Variants in LRRC27 observed in about 807,000 individuals in gnomAD.
LRRC27 encodes leucine rich repeat containing 27, also known as leucine-rich repeat-containing protein 27.
In LRRC27, 57 loss-of-function variants were observed where a neutral mutation model predicts 55.0. That is an observed-to-expected ratio of 1.04 (90% CI 0.84 to 1.29). LRRC27 has a LOEUF of 1.29. Among genes scored for constraint, LRRC27 ranks in the 50% most tolerant of loss-of-function variants. The probability of loss-of-function intolerance (pLI) is 0.00; values close to 1 mark genes in which losing one functional copy is unlikely to be tolerated. For missense variants in LRRC27, 721 were observed against 651.5 expected (o/e 1.11, Z -1.16); for synonymous variants, 278 against 251.9 (o/e 1.10, Z -0.98).
intron 9 of LRRC27, among the ~76,000 whole-genome samples, chr10:132,365,012 G>C (rs1193576582): frequency 6.6e-6 from 1 of 152,244 alleles, no homozygotes; most frequent in Admixed American, 6.5e-5. Context: ...AATCATAATT[G>C]AATACACTTT....
At position 132,348,073 on chromosome 10, in the gene LRRC27, G is replaced by A. The variant is rs1312877928; in HGVS notation, c.643G>A (p.Val215Met). ...AGACCACGCGTCTAACCAAGGAGCT[G>A]TGAACGCTCAGGACCCAGAGGGGGC... ...SGDHASNQGA[V>M]NAQDPEGAVM... The change falls in exon 6 of 11, where the codon GTG becomes ATG. Residue 215 changes from valine (V) to methionine (M), a missense_variant. Physicochemically the swap from Val to Met is conservative, Grantham distance 21. Coordinates refer to ENST00000368614, the MANE Select transcript of LRRC27 (RefSeq NM_030626.3). The surrounding 1 kb of genome is among the most constrained non-coding windows in gnomAD (Gnocchi z 4.2). 9.9e-6 allele frequency: 16 copies of A among 1,614,036 alleles called. No individual in the cohort carries two copies. Among genetic ancestry groups the A allele is most frequent in the Non-Finnish European group, 1.3e-5 (15 of 1,180,050 alleles).
At position 132,376,900 on chromosome 10, in the gene LRRC27, G is replaced by A. The variant is rs1024537676; in HGVS notation, c.*1658G>A. Reference sequence around the variant, plus strand: ...GTTCTAGCTATGATCATGAACATGTGTTTTCTTCTTAGTTATGTGAGTTTT... The same window carrying A: ...GTTCTAGCTATGATCATGAACATGTATTTTCTTCTTAGTTATGTGAGTTTT... On this transcript the variant is annotated 3_prime_UTR_variant, in exon 11 of 11. Transcript: ENST00000368614. The A allele has an allele frequency of 3.9e-5, 6 of 152,218 alleles. No homozygotes were observed. The East Asian group carries it at 1.2e-3, about 29-fold the overall frequency. 9.4% of individuals were successfully genotyped at this position (152,218 alleles called of 1,614,324 possible).
chr10:132,331,200 CAAAAAAAAAAAAA>C (rs35734065), upstream of LRRC27, among the ~76,000 whole-genome samples: 3 of 56,332 alleles, frequency 5.3e-5, no homozygotes, highest in African/African-American at 1.4e-4. Flanking sequence ...GACTCCACCT[CAAAAAAAAAAAAA>C]AAAAAAAAAA....
Position 132,374,330 on chromosome 10 carries a change from C to A in LRRC27, c.1417-736C>A, listed in dbSNP as rs577890495. 6.6e-6 allele frequency among the ~76,000 whole-genome samples: 1 copy of A among 152,074 alleles called. No homozygotes were observed. Among genetic ancestry groups the A allele is most frequent in the Non-Finnish European group, 1.5e-5 (1 of 67,982 alleles). On this transcript the variant is annotated intron_variant, in intron 10 of 10. Coordinates refer to ENST00000368614, the MANE Select transcript of LRRC27 (RefSeq NM_030626.3). The surrounding 1 kb of genome is among the most constrained non-coding windows in gnomAD (Gnocchi z 4.4). ...CAGCAAGGCAAGCCGGGGAGGGAGA[C>A]GGGAGCCGGGTGGCCCAGGGCTCCT...
chr10:132,354,917 T>C (rs1021598194), intron 7 of LRRC27, among the ~76,000 whole-genome samples: 16 of 152,174 alleles, frequency 1.1e-4, no homozygotes, highest in Non-Finnish European at 2.2e-4. Context: ...GCAAGGGCTC[T>C]TGGGGACCTC....
In LRRC27 at chr10:132,344,712, A is replaced by G. The variant is rs1026199452; in HGVS notation, c.553+62A>G. The G allele has an allele frequency of 1.3e-5, 21 of 1,574,574 alleles. No homozygotes were observed. In the African/African-American group the frequency reaches 2.7e-4, roughly 20 times the overall value. Reference sequence around the variant, plus strand: ...GTTGAAGTTACAGCTTTTTAAAATCAGGGCAGAACCTGTCTTCTCTTTAAT... The same window carrying G: ...GTTGAAGTTACAGCTTTTTAAAATCGGGGCAGAACCTGTCTTCTCTTTAAT... On this transcript the variant is annotated intron_variant, in intron 5 of 10. Transcript: ENST00000368614.
At chr10:132,362,438 G>C (rs2068664712) in intron 9 of LRRC27, among the ~76,000 whole-genome samples, 1 of 152,314 alleles carries the variant, frequency 6.6e-6, no homozygotes, top group South Asian at 2.1e-4. Context: ...GGGTGGCCCG[G>C]CGAGTTCACG....
At chr10:132,331,462 C>G (rs2066733755), upstream of LRRC27, 1 of 1,612,314 alleles carries the variant, frequency 6.2e-7, no homozygotes, top group Admixed American at 1.7e-5. Context: ...CCTCACTCCT[C>G]CGTCCAGAGG....
chr10:132,364,538 A>ACCCACGCTTAC lies in LRRC27; in HGVS notation c.1290-886_1290-885insCCCACGCTTAC, dbSNP rs1564853983. On this transcript the variant is annotated intron_variant, in intron 9 of 10. Transcript: ENST00000368614. ...ACACTCGCACTTACACCCACACTTA[A>ACCCACGCTTAC]ATCTACCTCCACACCCACACTTACA... 1.2e-3 allele frequency among the ~76,000 whole-genome samples: 13 copies of ACCCACGCTTAC among 10,436 alleles called. 2 individuals are homozygous for ACCCACGCTTAC. Among genetic ancestry groups the ACCCACGCTTAC allele is most frequent in the South Asian group, 4.2e-3 (1 of 238 alleles). The allele number at this position is 10,436 out of a possible 152,430, so 6.8% of individuals were successfully genotyped here. A position where few individuals can be genotyped will look rare whatever the true frequency, so the allele number is the denominator to read the frequency against.
rs1260282991 is a variant in LRRC27, at chr10:132,333,698, C to T, written c.174C>T (p.Cys58=). 1 of 1,613,622 alleles carries T rather than the reference C, an allele frequency of 6.2e-7. No homozygotes were observed. Among genetic ancestry groups the T allele is most frequent in the Admixed American group, 1.7e-5 (1 of 60,022 alleles). The part of the protein sequence containing the change: ...PILDLSESGL[C]RLEEVFRIPS... ...TAGACTTGAGTGAAAGTGGTCTGTG[C>T]CGTTTGGAGGAGGTCTTTAGAATCC... The change falls in exon 2 of 11, where the codon TGC becomes TGT. Residue 58 remains cysteine (C), a synonymous_variant. Transcript: ENST00000368614.
At chr10:132,369,243 T>A (rs1481503789) in intron 10 of LRRC27, among the ~76,000 whole-genome samples, 2 of 152,250 alleles carry the variant, frequency 1.3e-5, no homozygotes, top group African/African-American at 4.8e-5. Flanking sequence ...ACTCTCATCA[T>A]ACAATCCAGT....
chr10:132,367,940 A>C (rs1460971861), intron 10 of LRRC27, among the ~76,000 whole-genome samples: 1 of 152,246 alleles, frequency 6.6e-6, no homozygotes, highest in East Asian at 1.9e-4. Flanking sequence ...CTCAGATGAC[A>C]TGATTATGTA....
rs762119329 is a variant in LRRC27, at chr10:132,349,026, C to T, written c.926+670C>T. ...ATGAGAGAAAAACTCGAATCATGGG[C>T]GTGGTAGGGCGTGCGCCTACACATA... is the stretch of plus-strand genomic sequence containing the variant. On this transcript the variant is annotated intron_variant, in intron 6 of 10. Coordinates refer to ENST00000368614, the MANE Select transcript of LRRC27 (RefSeq NM_030626.3). 53 of 1,609,538 alleles carry T rather than the reference C, an allele frequency of 3.3e-5. No homozygotes were observed. The highest frequency in any genetic ancestry group is 4.0e-5 in the African/African-American group (3 of 74,808).
In LRRC27 at chr10:132,337,647, T is replaced by C; in HGVS notation, c.293T>C (p.Leu98Pro). Reference protein sequence around the residue: ...QLLPNLTWLDLRYNRIKALPS... With the variant: ...QLLPNLTWLDPRYNRIKALPS... ...CTTCCGAACCTGACTTGGCTGGACC[T>C]CCGGTACAATAGAATTAAAGCGCTT... Residue 98 changes from leucine (L) to proline (P), a missense_variant, in exon 3 of 11, where the codon CTC becomes CCC. Physicochemically the swap from Leu to Pro is moderately conservative, Grantham distance 98. Coordinates refer to ENST00000368614, the MANE Select transcript of LRRC27 (RefSeq NM_030626.3). The C allele has an allele frequency of 6.2e-7, 1 of 1,614,206 alleles. No homozygotes were observed. The highest frequency in any genetic ancestry group is 8.5e-7 in the Non-Finnish European group (1 of 1,180,014).
In LRRC27 at chr10:132,354,385, A is replaced by G. The variant is rs1297219601; in HGVS notation, c.1074-1405A>G. 1.4e-4 allele frequency among the ~76,000 whole-genome samples: 21 copies of G among 152,120 alleles called. 1 individual carries two copies. The highest frequency in any genetic ancestry group is 1.2e-3 in the Admixed American group (19 of 15,288). On this transcript the variant is annotated intron_variant, in intron 7 of 10. Coordinates refer to ENST00000368614, the MANE Select transcript of LRRC27 (RefSeq NM_030626.3). ...GACAGCGTCACCCCTTTGCTTCCCAAGGTGTGACCAGAAGACAGTGACACT... is the reference window on the plus strand; with the variant it reads ...GACAGCGTCACCCCTTTGCTTCCCAGGGTGTGACCAGAAGACAGTGACACT...
upstream of LRRC27, chr10:132,332,073 G>GCGCGCAGGCGCACCACACCCCT (rs1484306494): frequency 3.9e-6 from 1 of 254,796 alleles, no homozygotes; most frequent in African/African-American, 2.3e-5. Context: ...GCACACCCCC[G>GCGCGCAGGCGCACCACACCCCT]CGCGCAGGCG....
rs1430181263 is a variant in LRRC27 at position 132,374,041 on chromosome 10, G to A, written c.1417-1025G>A. Among the ~76,000 whole-genome samples the A allele has an allele frequency of 6.6e-6, 1 of 152,142 alleles. No homozygotes were observed. The highest frequency in any genetic ancestry group is 1.5e-5 in the Non-Finnish European group (1 of 68,018). On this transcript the variant is annotated intron_variant, in intron 10 of 10. Coordinates refer to ENST00000368614, the MANE Select transcript of LRRC27 (RefSeq NM_030626.3). This position sits in a 1 kb window ranked among gnomAD's most constrained non-coding sequence, Gnocchi z 4.4. ...CTGCTCTAGCCCACAGTTACGATAT[G>A]GGGGCGGGGGAGGCTGCAGGGGTCT...
At position 132,352,754 on chromosome 10, in the gene LRRC27, A is replaced by C. The variant is rs538518311; in HGVS notation, c.1073+1001A>C. 811 of 981,948 alleles carry C rather than the reference A, an allele frequency of 8.3e-4. 5 individuals carry two copies. The highest frequency in any genetic ancestry group is 1.2e-3 in the Non-Finnish European group (750 of 645,862). 60.8% of individuals were successfully genotyped at this position (981,948 alleles called of 1,614,324 possible). A position where few individuals can be genotyped will look rare whatever the true frequency, so the allele number is the denominator to read the frequency against. On this transcript the variant is annotated intron_variant, in intron 7 of 10. Coordinates refer to ENST00000368614, the MANE Select transcript of LRRC27 (RefSeq NM_030626.3). ...ATGGGCTCCCTTGTTTGCAGCCCCG[A>C]GGCCTCCCTGTGGGACAGGCCGGTT...
Position 132,348,153 on chromosome 10 carries a change from T to G in LRRC27, c.723T>G (p.Ser241Arg). ...CACCTGTGGAAAAGCCAGACCTGAG[T>G]GAACTCAGGAAGTCTGCGGACTCCT... is the stretch of plus-strand genomic sequence containing the variant. ...FLPPVEKPDL[S>R]ELRKSADSSE... The change falls in exon 6 of 11, where the codon AGT becomes AGG. Residue 241 changes from serine to arginine, a missense_variant. Physicochemically the swap from Ser to Arg is moderately radical, Grantham distance 110. Coordinates refer to ENST00000368614, the MANE Select transcript of LRRC27 (RefSeq NM_030626.3). This position sits in a 1 kb window ranked among gnomAD's most constrained non-coding sequence, Gnocchi z 4.2. The G allele has an allele frequency of 6.2e-7, 1 of 1,613,968 alleles. No homozygotes were observed. The highest frequency in any genetic ancestry group is 8.5e-7 in the Non-Finnish European group (1 of 1,179,996).
Sources: gnomAD v4.1 joint callset for allele counts (sites outside exome capture counted in the v4.1 genomes callset) on GRCh38, gnomAD v4.1.1 for gene constraint, Gnocchi (gnomAD v3.1) non-coding constraint, MANE v1.5 for transcripts, NCBI Gene and HGNC (gene_info 2026-07-23, HGNC 2026-07-21) for gene names.